PTPA: variants seen among roughly 807,000 people sequenced by gnomAD.
PTPA encodes serine/threonine-protein phosphatase 2A activator.
Under a neutral mutation model 43.6 loss-of-function variants are expected in PTPA, and 13 were observed. The observed-to-expected ratio is 0.30, with a 90% CI of 0.19 to 0.47. The LOEUF (loss-of-function observed/expected upper bound fraction) is 0.47, where lower values mean the gene tolerates loss of function less well. PTPA is among the 20% of genes least tolerant of loss of function. PTPA has a pLI of 0.99. For synonymous variants in PTPA, 172 were observed against 158.2 expected (o/e 1.09, Z -0.66); for missense variants, 329 against 411.9 (o/e 0.80, Z 1.74).
rs552348803 is a variant in PTPA, at chr9:129,136,747, G to A, written c.685+152G>A. 7.7e-5 allele frequency: 86 copies of A among 1,109,796 alleles called. No individual in the cohort carries two copies. The African/African-American group carries it at 1.3e-3, about 17-fold the overall frequency. 68.7% of individuals were successfully genotyped at this position (1,109,796 alleles called of 1,614,324 possible). A position where few individuals can be genotyped will look rare whatever the true frequency, so the allele number is the denominator to read the frequency against. ...AGCAGGGCATTAGACCAGCTATTGA[G>A]GGAGGCTGTTTACTGTCGACCTTCT... On this transcript the variant is annotated intron_variant, in intron 7 of 9. Transcript: ENST00000393370.
chr9:129,131,747 G>T (rs543696762), intron 5 of PTPA, 108 bp downstream of exon 5: 3 of 1,118,746 alleles, frequency 2.7e-6, no homozygotes, highest in Admixed American at 1.9e-5. Flanking sequence ...TCAAGAATTC[G>T]CCAAGCACCT....
intron 8 of PTPA, among the ~76,000 whole-genome samples, chr9:129,141,306 C>G (rs545498326): frequency 6.6e-6 from 1 of 152,144 alleles, no homozygotes; most frequent in Admixed American, 6.5e-5. Flanking sequence ...TTTTGGAGAG[C>G]GTTTCTGGCT....
At chr9:129,129,531 G>A (rs1043723684) in intron 4 of PTPA, among the ~76,000 whole-genome samples, 13 of 150,828 alleles carry the variant, frequency 8.6e-5, no homozygotes, top group African/African-American at 2.4e-4. Context: ...GTGCAGTGGC[G>A]CAGTCTTGGC....
At position 129,134,788 on chromosome 9, in the gene PTPA, C is replaced by A; in HGVS notation, c.461-7C>A. 1.2e-6 allele frequency: 2 copies of A among 1,611,538 alleles called. No homozygotes were observed. Among genetic ancestry groups the A allele is most frequent in the Non-Finnish European group, 1.7e-6 (2 of 1,178,522 alleles). On this transcript the variant is annotated splice_region_variant and splice_polypyrimidine_tract_variant and intron_variant, in intron 5 of 9. Coordinates refer to ENST00000393370, the MANE Select transcript of PTPA (RefSeq NM_178000.3). ...TACTGTCAACGCTGGTTGTTTTTCT[C>A]CTCCAGGGCATGAGGCAGCCTTCGC... is the stretch of plus-strand genomic sequence containing the variant.
In PTPA at chr9:129,137,783, G is replaced by A; in HGVS notation, c.786+91G>A. The A allele has an allele frequency of 2.4e-6, 3 of 1,231,152 alleles. No individual in the cohort carries two copies. The East Asian group carries it at 7.5e-5, about 31-fold the overall frequency. 76.3% of individuals were successfully genotyped at this position (1,231,152 alleles called of 1,614,324 possible). On this transcript the variant is annotated intron_variant, in intron 8 of 9. Coordinates refer to ENST00000393370, the MANE Select transcript of PTPA (RefSeq NM_178000.3). ...GCCTTACAGTGGATCAGAAGAGCCA[G>A]AGCTGCTGCCCAAAATGGCAGGGCC...
intron 1 of PTPA, among the ~76,000 whole-genome samples, chr9:129,117,124 TTCAGCC>T (rs1169473485): frequency 6.6e-6 from 1 of 151,770 alleles, no homozygotes; most frequent in Non-Finnish European, 1.5e-5. Context: ...TGCAGCTCAC[TTCAGCC>T]TCAGCCTCCT....
intron 9 of PTPA, among the ~76,000 whole-genome samples, chr9:129,146,722 GA>G (rs1475357749): frequency 2.0e-5 from 3 of 152,218 alleles, no homozygotes; most frequent in Non-Finnish European, 4.4e-5. Context: ...CAGCTTCTGT[GA>G]TAGGCCCTGT....
intron 3 of PTPA, 37 bp from the exon 4 acceptor site, chr9:129,128,948 G>C: frequency 6.2e-7 from 1 of 1,610,952 alleles, no homozygotes; most frequent in Admixed American, 1.7e-5. Flanking sequence ...GGAGCCACTT[G>C]CTCTGTAGCT....
intron 4 of PTPA, among the ~76,000 whole-genome samples, chr9:129,129,463 TTTTTA>T (rs1245456539): frequency 1.3e-5 from 2 of 151,950 alleles, no homozygotes; most frequent in African/African-American, 2.4e-5. Flanking sequence ...TTTTTTTTAT[TTTTTA>T]TTTTATCTTT....
chr9:129,142,310 TCTGC>T, intron 8 of PTPA, 131 bp from the exon 9 acceptor site: 1 of 765,776 alleles, frequency 1.3e-6, no homozygotes, highest in South Asian at 2.2e-5. Flanking sequence ...TCCCCAAGTG[TCTGC>T]GCGTGCATTG....
intron 9 of PTPA, chr9:129,143,357 CCTT>C: frequency 2.8e-6 from 2 of 703,080 alleles, no homozygotes. Flanking sequence ...CCTTAAAGTC[CCTT>C]CTTTCTGTTC....
chr9:129,136,465 G>A lies in PTPA; in HGVS notation c.561-6G>A, dbSNP rs1564196646. The A allele has an allele frequency of 1.2e-6, 2 of 1,611,630 alleles. No homozygotes were observed. The highest frequency in any genetic ancestry group is 1.7e-6 in the Non-Finnish European group (2 of 1,178,634). On this transcript the variant is annotated splice_polypyrimidine_tract_variant and splice_region_variant and intron_variant, in intron 6 of 9. Transcript: ENST00000393370. ...CTACCTTCCCTTTCCCTGTCCTCCT[G>A]TGCAGGTACCTTGAGGTTATGCGGA...
chr9:129,136,605 C>T lies in PTPA; in HGVS notation c.685+10C>T, dbSNP rs752890749. 19 of 1,602,820 alleles carry T rather than the reference C, an allele frequency of 1.2e-5. No individual in the cohort carries two copies. Among genetic ancestry groups the T allele is most frequent in the South Asian group, 6.7e-5 (6 of 89,578 alleles). On this transcript the variant is annotated intron_variant, in intron 7 of 9. Transcript: ENST00000393370. Reference sequence around the variant, plus strand: ...AGTTCGCAGCTGATAGGTACTAGAGCGGGAGGTGCCTATCCCTCCACCCCC... The same window carrying T: ...AGTTCGCAGCTGATAGGTACTAGAGTGGGAGGTGCCTATCCCTCCACCCCC...
chr9:129,142,732 C>T (rs1850975571), intron 9 of PTPA, 180 bp downstream of exon 9: 2 of 1,537,840 alleles, frequency 1.3e-6, no homozygotes, highest in Admixed American at 2.0e-5. Flanking sequence ...GGGGCATGGG[C>T]AGTCAGAGAA....
chr9:129,134,260 G>A (rs1023825510), intron 5 of PTPA, among the ~76,000 whole-genome samples: 3 of 149,330 alleles, frequency 2.0e-5, no homozygotes, highest in Non-Finnish European at 3.0e-5. Flanking sequence ...TGTCCAGCCC[G>A]GGTCTTTTAC....
chr9:129,141,426 C>T (rs937926059), intron 8 of PTPA, among the ~76,000 whole-genome samples: 5 of 152,196 alleles, frequency 3.3e-5, no homozygotes, highest in Non-Finnish European at 7.3e-5. Context: ...CAGAGTCTTC[C>T]TTCTGCAGCA....
intron 8 of PTPA, 177 bp from the exon 9 acceptor site, chr9:129,142,268 T>C (rs1032134816): frequency 1.4e-5 from 7 of 514,762 alleles, no homozygotes; most frequent in Non-Finnish European, 1.3e-5. Context: ...CCTGTTTGTA[T>C]GTTTGCCCCT....
Position 129,147,442 on chromosome 9 carries a change from T to C in PTPA, c.950T>C (p.Ile317Thr). 6.2e-7 allele frequency: 1 copy of C among 1,613,948 alleles called. No homozygotes were observed. Among genetic ancestry groups the C allele is most frequent in the Non-Finnish European group, 8.5e-7 (1 of 1,179,974 alleles). ...TTCAAGTTCGGGAGCCTGCTGCCCATCCATCCTGTCACGTCGGGCTAGGAG... is the reference window on the plus strand; with the variant it reads ...TTCAAGTTCGGGAGCCTGCTGCCCACCCATCCTGTCACGTCGGGCTAGGAG... Reference protein sequence around the residue: ...QHFKFGSLLPIHPVTSG With the variant: ...QHFKFGSLLPTHPVTSG Residue 317 changes from isoleucine to threonine, a missense_variant, in exon 10 of 10, where the codon ATC becomes ACC. Transcript: ENST00000393370.
intron 1 of PTPA, chr9:129,118,998 A>G (rs2131549643): frequency 1.2e-5 from 2 of 160,170 alleles, no homozygotes; most frequent in South Asian, 1.3e-4. Flanking sequence ...TCTTCCTGGA[A>G]TCTTGTTTTG....
Sources: allele counts gnomAD v4.1 joint callset (sites outside exome capture counted in the v4.1 genomes callset), GRCh38; gene constraint gnomAD v4.1.1; transcripts MANE v1.5; gene names NCBI Gene and HGNC (gene_info 2026-07-23, HGNC 2026-07-21).